Variants in COMMD10 observed in about 807,000 individuals in gnomAD.
COMMD10 encodes COMM domain containing 10, also known as COMM domain-containing protein 10.
Under a neutral mutation model 28.9 loss-of-function variants are expected in COMMD10, and 33 were observed. The observed-to-expected ratio is 1.14, with a 90% CI of 0.87 to 1.53. COMMD10 has a LOEUF of 1.53. COMMD10 is among the 40% of genes most tolerant of loss of function. The pLI is 0.00. For synonymous variants in COMMD10, 110 were observed against 81.7 expected (o/e 1.35, Z -1.87); for missense variants, 310 against 233.4 (o/e 1.33, Z -2.14).
intron 4 of COMMD10, among the ~76,000 whole-genome samples, chr5:116,116,506 A>G (rs1373097053): frequency 1.3e-5 from 2 of 152,194 alleles, no homozygotes; most frequent in Non-Finnish European, 2.9e-5. Flanking sequence ...TGTTTATAGC[A>G]AGGGTATTTT....
chr5:116,190,295 T>C (rs1056086830), intron 5 of COMMD10, among the ~76,000 whole-genome samples: 1 of 152,156 alleles, frequency 6.6e-6, no homozygotes, highest in Non-Finnish European at 1.5e-5. Context: ...AGGAACTGTT[T>C]GAAAGTTAAA....
chr5:116,283,896 A>T (rs1323551058), intron 5 of COMMD10, among the ~76,000 whole-genome samples: 1 of 151,766 alleles, frequency 6.6e-6, no homozygotes, highest in African/African-American at 2.4e-5. Context: ...TTGGGAGGCT[A>T]AGGTGGGAGG....
chr5:116,260,594 G>C (rs1364084845), intron 5 of COMMD10, among the ~76,000 whole-genome samples: 1 of 151,754 alleles, frequency 6.6e-6, no homozygotes, highest in Non-Finnish European at 1.5e-5. Flanking sequence ...TCACTGTCTT[G>C]TTCTATGCAA....
chr5:116,131,684 C>G (rs1751867825), intron 4 of COMMD10, among the ~76,000 whole-genome samples: 1 of 151,934 alleles, frequency 6.6e-6, no homozygotes, highest in Non-Finnish European at 1.5e-5. Flanking sequence ...CCAGCTGTCT[C>G]CTAATGGAGA....
In COMMD10 at chr5:116,151,096, T is replaced by C. The variant is rs180744130; in HGVS notation, c.510+16918T>C. Among the ~76,000 whole-genome samples, 1,485 of 152,026 alleles carry C rather than the reference T, an allele frequency of 9.8e-3. 26 individuals are homozygous for C. The highest frequency in any genetic ancestry group is 0.033 in the African/African-American group (1,379 of 41,494). ...GTTGTTGAATTTTGTCAAAGGCCTT[T>C]TCTGCATCTATTGAGATAATCATGT... On this transcript the variant is annotated intron_variant, in intron 5 of 6. Transcript: ENST00000274458.
intron 5 of COMMD10, among the ~76,000 whole-genome samples, chr5:116,156,155 C>G (rs1449818261): frequency 6.6e-6 from 1 of 152,052 alleles, no homozygotes; most frequent in Non-Finnish European, 1.5e-5. Context: ...GTCCTACTAT[C>G]CAGTTCCAAA....
intron 5 of COMMD10, among the ~76,000 whole-genome samples, chr5:116,236,540 G>A (rs1177390959): frequency 6.6e-6 from 1 of 151,082 alleles, no homozygotes; most frequent in Non-Finnish European, 1.5e-5. Flanking sequence ...GATCCGTTGG[G>A]CCGTGAAAGG....
At chr5:116,156,099 C>T (rs533126782) in intron 5 of COMMD10, among the ~76,000 whole-genome samples, 97 of 152,062 alleles carry the variant, frequency 6.4e-4, no homozygotes, top group Admixed American at 2.2e-3. Flanking sequence ...AAACATTTCA[C>T]CTCCCTGGCC....
intron 5 of COMMD10, among the ~76,000 whole-genome samples, chr5:116,214,361 G>A (rs1183391450): frequency 6.6e-6 from 1 of 152,020 alleles, no homozygotes; most frequent in South Asian, 2.1e-4. Flanking sequence ...TTGCTAATGT[G>A]GAAATTAAAT....
chr5:116,155,881 A>G (rs1238330512), intron 5 of COMMD10, among the ~76,000 whole-genome samples: 6 of 152,120 alleles, frequency 3.9e-5, no homozygotes, highest in Non-Finnish European at 2.9e-5. Context: ...TAAATTTAAT[A>G]TATCACATTT....
chr5:116,129,256 C>A (rs188171127), intron 4 of COMMD10, among the ~76,000 whole-genome samples: 1 of 150,530 alleles, frequency 6.6e-6, no homozygotes, highest in South Asian at 2.1e-4. Flanking sequence ...ATTTGTTTTA[C>A]GTTTTTAATC....
chr5:116,113,275 A>G (rs985858411), intron 4 of COMMD10, among the ~76,000 whole-genome samples: 1 of 151,806 alleles, frequency 6.6e-6, no homozygotes, highest in African/African-American at 2.4e-5. Context: ...ACTCATTATA[A>G]TATGTTGTAT....
Position 116,172,774 on chromosome 5 carries a change from A to C in COMMD10, c.510+38596A>C, listed in dbSNP as rs28536184. Among the ~76,000 whole-genome samples, 1,377 of 152,286 alleles carry C rather than the reference A, an allele frequency of 9.0e-3. 24 individuals carry two copies. Among genetic ancestry groups the C allele is most frequent in the African/African-American group, 0.031 (1,308 of 41,552 alleles). ...TGCATAGATGTGGGTTAAAATTAAA[A>C]TATTACTAACCTTTCCTCATCTGAG... On this transcript the variant is annotated intron_variant, in intron 5 of 6. Transcript: ENST00000274458.
chr5:116,194,244 A>C (rs1748447015), intron 5 of COMMD10, among the ~76,000 whole-genome samples: 1 of 152,170 alleles, frequency 6.6e-6, no homozygotes. Flanking sequence ...TGACATTCCA[A>C]GGTCACACTT....
At chr5:116,181,327 TG>T in intron 5 of COMMD10, among the ~76,000 whole-genome samples, 1 of 120,594 alleles carries the variant, frequency 8.3e-6, no homozygotes, top group South Asian at 2.3e-4. Context: ...TTGGGGTGTT[TG>T]TTTATCAGTG....
At chr5:116,087,429 A>G in intron 1 of COMMD10, 68 bp from the exon 2 acceptor site, 1 of 911,928 alleles carries the variant, frequency 1.1e-6, no homozygotes, top group South Asian at 1.3e-5. Context: ...AAACTTATAG[A>G]CAACTATAGA....
chr5:116,234,213 A>G (rs1749600896), intron 5 of COMMD10, among the ~76,000 whole-genome samples: 1 of 152,196 alleles, frequency 6.6e-6, no homozygotes, highest in African/African-American at 2.4e-5. Context: ...TCTCAGCAGC[A>G]TCAGAGTAAT....
At chr5:116,263,555 G>C (rs1750505422) in intron 5 of COMMD10, among the ~76,000 whole-genome samples, 2 of 151,404 alleles carry the variant, frequency 1.3e-5, no homozygotes, top group Non-Finnish European at 2.9e-5. Context: ...ACCCTTTTAG[G>C]TCCGATAAGA....
chr5:116,140,503 G>A (rs1293575086), intron 5 of COMMD10, among the ~76,000 whole-genome samples: 1 of 151,768 alleles, frequency 6.6e-6, no homozygotes, highest in African/African-American at 2.4e-5. Flanking sequence ...CCTTCAAACT[G>A]TTGTCCTTAA....
Sources: gnomAD v4.1 joint callset for allele counts (sites outside exome capture counted in the v4.1 genomes callset) on GRCh38, gnomAD v4.1.1 for gene constraint, MANE v1.5 for transcripts, NCBI Gene and HGNC (gene_info 2026-07-23, HGNC 2026-07-21) for gene names.